Variants in KCTD16 observed in about 807,000 individuals in gnomAD.
KCTD16 encodes BTB/POZ domain-containing protein KCTD16.
Under a neutral mutation model 33.2 loss-of-function variants are expected in KCTD16, and 13 were observed. The observed-to-expected ratio is 0.39, with a 90% CI of 0.25 to 0.62. The LOEUF (loss-of-function observed/expected upper bound fraction) is 0.62, where lower values mean the gene tolerates loss of function less well. Ranked by LOEUF, KCTD16 falls within the 20% of genes least tolerant of loss-of-function variation. The pLI is 0.50. For missense variants in KCTD16, 441 were observed against 525.1 expected, an observed-to-expected ratio of 0.84 and a Z score of 1.57; for synonymous variants, 197 against 195.3, an observed-to-expected ratio of 1.01 and a Z score of -0.07.
intron 3 of KCTD16, among the ~76,000 whole-genome samples, chr5:144,262,096 T>C (rs1366826374): frequency 6.6e-6 from 1 of 152,172 alleles, no homozygotes; most frequent in East Asian, 1.9e-4. Flanking sequence ...GTCAATGCTA[T>C]GAAGATGGCA....
intron 3 of KCTD16, among the ~76,000 whole-genome samples, chr5:144,336,224 C>T (rs1222677180): frequency 6.6e-6 from 1 of 152,180 alleles, no homozygotes; most frequent in Non-Finnish European, 1.5e-5. Flanking sequence ...AGCTGGGATG[C>T]CAATAGGGCA....
In KCTD16 at chr5:144,388,079, T is replaced by G. The variant is rs903896276; in HGVS notation, c.833-85581T>G. On this transcript the variant is annotated intron_variant, in intron 3 of 3. Transcript: ENST00000512467. ...TTTTAGAGCAAGTTTTTTTTTTTTT[T>G]TTTTTTTTTTTTTTTTGAGATGGAG... is the stretch of plus-strand genomic sequence containing the variant. Among the ~76,000 whole-genome samples, 305 of 126,608 alleles carry G rather than the reference T, an allele frequency of 2.4e-3. 4 individuals carry two copies. Among genetic ancestry groups the G allele is most frequent in the African/African-American group, 9.8e-3 (291 of 29,754 alleles). 83.1% of individuals were successfully genotyped at this position (126,608 alleles called of 152,430 possible).
chr5:144,443,027 A>G (rs948413929), intron 3 of KCTD16, among the ~76,000 whole-genome samples: 1 of 152,114 alleles, frequency 6.6e-6, no homozygotes, highest in Non-Finnish European at 1.5e-5. Flanking sequence ...TACAAGATAG[A>G]ACTTGTCAAA....
chr5:144,227,441 A>G (rs1753968047), intron 3 of KCTD16, among the ~76,000 whole-genome samples: 1 of 152,182 alleles, frequency 6.6e-6, no homozygotes, highest in Admixed American at 6.5e-5. Context: ...ATGAGATTAC[A>G]GAGATAAAAG....
chr5:144,460,308 C>G (rs921438709), intron 3 of KCTD16, among the ~76,000 whole-genome samples: 1 of 152,132 alleles, frequency 6.6e-6, no homozygotes, highest in Non-Finnish European at 1.5e-5. Flanking sequence ...CTTTTGAATT[C>G]TAGTCCCAAT....
intron 3 of KCTD16, among the ~76,000 whole-genome samples, chr5:144,322,160 A>G (rs1298303449): frequency 2.0e-5 from 3 of 152,146 alleles, no homozygotes; most frequent in African/African-American, 4.8e-5. Context: ...ATAAAATCAT[A>G]GTTCCTCACC....
In KCTD16 at chr5:144,326,952, A is replaced by G. The variant is rs1752221898; in HGVS notation, c.832+119406A>G. 2.6e-5 allele frequency among the ~76,000 whole-genome samples: 4 copies of G among 152,190 alleles called. No homozygotes were observed. The South Asian group carries it at 8.3e-4, about 31-fold the overall frequency. On this transcript the variant is annotated intron_variant, in intron 3 of 3. Coordinates refer to ENST00000512467, the MANE Select transcript of KCTD16 (RefSeq NM_020768.4). The stretch of plus-strand genomic sequence containing the variant: ...GAAGTAATTAGAGTATAAATTCAGT[A>G]ACTGAGCGTTCTGAGAAAATTCTGA...
rs1335797228 is a variant in KCTD16, at chr5:144,477,135, A to G, written c.*3021A>G. The stretch of plus-strand genomic sequence containing the variant: ...TACAAAGTCCTTCTACCCACTATCA[A>G]AAATGAACTGATCTGCATTCAGCAG... On this transcript the variant is annotated 3_prime_UTR_variant, in exon 4 of 4. Coordinates refer to ENST00000512467, the MANE Select transcript of KCTD16 (RefSeq NM_020768.4). 1 of 152,108 alleles carries G rather than the reference A, an allele frequency of 6.6e-6. No homozygotes were observed. The highest frequency in any genetic ancestry group is 1.5e-5 in the Non-Finnish European group (1 of 68,018). The allele number at this position is 152,108 out of a possible 1,614,324, so 9.4% of individuals were successfully genotyped here.
At chr5:144,312,539 G>A (rs867901337) in intron 3 of KCTD16, among the ~76,000 whole-genome samples, 6 of 152,158 alleles carry the variant, frequency 3.9e-5, no homozygotes, top group African/African-American at 1.4e-4. Context: ...AAGTAAAGTA[G>A]TTAAGTATAT....
intron 3 of KCTD16, among the ~76,000 whole-genome samples, chr5:144,262,379 A>G (rs1755036673): frequency 6.6e-6 from 1 of 152,240 alleles, no homozygotes; most frequent in Non-Finnish European, 1.5e-5. Flanking sequence ...GACAAGGTAT[A>G]TAATTCATTG....
intron 2 of KCTD16, among the ~76,000 whole-genome samples, chr5:144,180,426 T>G (rs1752599493): frequency 6.6e-6 from 1 of 152,168 alleles, no homozygotes; most frequent in Non-Finnish European, 1.5e-5. Flanking sequence ...CTCATTCCAA[T>G]TATCTGTTGC....
chr5:144,213,421 CTT>C (rs1319671269), intron 3 of KCTD16, among the ~76,000 whole-genome samples: 1 of 148,734 alleles, frequency 6.7e-6, no homozygotes, highest in Non-Finnish European at 1.5e-5. Flanking sequence ...TTCTCTCTCT[CTT>C]TCTTTTTCTT....
chr5:144,381,547 A>G (rs1439441397), intron 3 of KCTD16, among the ~76,000 whole-genome samples: 1 of 152,134 alleles, frequency 6.6e-6, no homozygotes, highest in African/African-American at 2.4e-5. Flanking sequence ...ATGGAAGGCA[A>G]AGGGGGAGTA....
In KCTD16 at chr5:144,465,779, CTTTTTTG is replaced by C. The variant is rs1220578489; in HGVS notation, c.833-7874_833-7868del. Among the ~76,000 whole-genome samples, 555 of 129,872 alleles carry C rather than the reference CTTTTTTG, an allele frequency of 4.3e-3. 4 individuals carry two copies. Among genetic ancestry groups the C allele is most frequent in the African/African-American group, 0.015 (510 of 34,950 alleles). The allele number at this position is 129,872 out of a possible 152,430, so 85.2% of individuals were successfully genotyped here. On this transcript the variant is annotated intron_variant, in intron 3 of 3. Coordinates refer to ENST00000512467, the MANE Select transcript of KCTD16 (RefSeq NM_020768.4). ...TCTTGAACAATTGCTCCAAATTTAA[CTTTTTTG>C]TTTTTTTTTTTTTTTGCCAGGAGGA...
intron 3 of KCTD16, among the ~76,000 whole-genome samples, chr5:144,379,108 C>A (rs571805516): frequency 5.3e-5 from 8 of 152,134 alleles, no homozygotes; most frequent in Admixed American, 4.6e-4. Context: ...AAAGTAGATT[C>A]TTTTTATTAT....
chr5:144,174,529 C>G (rs1752461643), intron 2 of KCTD16, 57 bp downstream of exon 2: 1 of 152,210 alleles, frequency 6.6e-6, no homozygotes, highest in South Asian at 2.1e-4. Flanking sequence ...AACCTCTTTT[C>G]CCAAATATGA....
Position 144,477,908 on chromosome 5 carries a change from T to C in KCTD16, c.*3794T>C, listed in dbSNP as rs1006614155. On this transcript the variant is annotated 3_prime_UTR_variant, in exon 4 of 4. Coordinates refer to ENST00000512467, the MANE Select transcript of KCTD16 (RefSeq NM_020768.4). ...AATTAATAATACTCTTTCTGTGAACTTTTAGGAAGAATTCTTTGTCACCTC... is the reference window on the plus strand; with the variant it reads ...AATTAATAATACTCTTTCTGTGAACCTTTAGGAAGAATTCTTTGTCACCTC... The C allele has an allele frequency of 1.3e-5, 2 of 152,146 alleles. No individual in the cohort carries two copies. The highest frequency in any genetic ancestry group is 6.6e-5 in the Admixed American group (1 of 15,256). The allele number at this position is 152,146 out of a possible 1,614,324, so 9.4% of individuals were successfully genotyped here. A position where few individuals can be genotyped will look rare whatever the true frequency, so the allele number is the denominator to read the frequency against.
At chr5:144,461,607 G>A (rs1334443262) in intron 3 of KCTD16, among the ~76,000 whole-genome samples, 1 of 152,064 alleles carries the variant, frequency 6.6e-6, no homozygotes, top group Non-Finnish European at 1.5e-5. Flanking sequence ...CGTCCTTATA[G>A]CAATTCAATC....
chr5:144,437,965 T>C (rs1753616600), intron 3 of KCTD16, among the ~76,000 whole-genome samples: 1 of 152,196 alleles, frequency 6.6e-6, no homozygotes. Flanking sequence ...GTTTTAAGTT[T>C]AAACTGTCCA....
Sources: allele counts gnomAD v4.1 joint callset (sites outside exome capture counted in the v4.1 genomes callset), GRCh38; gene constraint gnomAD v4.1.1; transcripts MANE v1.5; gene names NCBI Gene and HGNC (gene_info 2026-07-23, HGNC 2026-07-21).